ZMYM2: variants seen among roughly 807,000 people sequenced by gnomAD.
ZMYM2 encodes zinc finger MYM-type protein 2.
In ZMYM2, 56 loss-of-function variants were observed where a neutral mutation model predicts 162.8. The observed-to-expected ratio is 0.34, with a 90% CI of 0.28 to 0.43. The LOEUF is 0.43. ZMYM2 is among the 20% of genes least tolerant of loss of function. The probability of loss-of-function intolerance (pLI) is 1.00; values close to 1 mark genes in which losing one functional copy is unlikely to be tolerated. For missense variants in ZMYM2, 1,275 were observed against 1,621.8 expected, an observed-to-expected ratio of 0.79 and a Z score of 3.67; for synonymous variants, 510 against 541.6, an observed-to-expected ratio of 0.94 and a Z score of 0.81.
chr13:19,955,976 A>G (rs758277751), upstream of ZMYM2, among the ~76,000 whole-genome samples: 2 of 152,226 alleles, frequency 1.3e-5, no homozygotes, highest in Non-Finnish European at 2.9e-5. Context: ...ACACAGTTTT[A>G]GTTGTGGATT....
the ZMYM2 span, among the ~76,000 whole-genome samples, chr13:19,896,870 C>G: frequency 6.7e-6 from 1 of 149,882 alleles, no homozygotes; most frequent in Non-Finnish European, 1.5e-5. Flanking sequence ...ATCAGGAGTT[C>G]GAGACCAGCC....
chr13:20,085,772 T>G, intron 24 of ZMYM2, 50 bp from the exon 25 acceptor site: 2 of 1,538,522 alleles, frequency 1.3e-6, no homozygotes, highest in Non-Finnish European at 1.8e-6. Flanking sequence ...GAAAAAGTTG[T>G]GGAAATTTTG....
At chr13:20,074,030 A>T (rs1957288225) in intron 21 of ZMYM2, among the ~76,000 whole-genome samples, 1 of 152,032 alleles carries the variant, frequency 6.6e-6, no homozygotes, top group Non-Finnish European at 1.5e-5. Flanking sequence ...TTCCTTCTCT[A>T]CTGAGCCCTG....
At chr13:20,057,256 C>G (rs1358244795) in intron 14 of ZMYM2, among the ~76,000 whole-genome samples, 2 of 152,032 alleles carry the variant, frequency 1.3e-5, no homozygotes, top group Admixed American at 6.6e-5. Context: ...GTGGGCGCCA[C>G]CATGTCCGGC....
At chr13:19,912,292 GTTTTT>G in the ZMYM2 span, among the ~76,000 whole-genome samples, 37 of 75,710 alleles carry the variant, frequency 4.9e-4, no homozygotes, top group South Asian at 1.8e-3. Context: ...TGTTTTTTGG[GTTTTT>G]TTTTTTTTTT....
chr13:20,081,772 A>T (rs1957926911), intron 21 of ZMYM2, among the ~76,000 whole-genome samples: 1 of 151,988 alleles, frequency 6.6e-6, no homozygotes, highest in Admixed American at 6.5e-5. Flanking sequence ...ATTGTCATCC[A>T]GTTTTTACAT....
intron 6 of ZMYM2, among the ~76,000 whole-genome samples, chr13:20,014,417 T>A (rs2140098458): frequency 6.6e-6 from 1 of 152,210 alleles, no homozygotes; most frequent in African/African-American, 2.4e-5. Context: ...TCTGTTCACG[T>A]TTTCTATGTC....
Position 20,034,357 on chromosome 13 carries a change from A to G in ZMYM2, c.2072A>G (p.His691Arg). The G allele has an allele frequency of 1.2e-6, 2 of 1,609,646 alleles. No homozygotes were observed. Among genetic ancestry groups the G allele is most frequent in the Non-Finnish European group, 1.7e-6 (2 of 1,178,508 alleles). ...CEYCQEEKTLHETVNFSGVKR... is the reference protein window; with the variant it reads ...CEYCQEEKTLRETVNFSGVKR... ...TACTGTCAAGAGGAGAAGACTCTTC[A>G]TGAAACAGTAAATTTCTCTGGCGTT... The change falls in exon 11 of 25, where the codon CAT becomes CGT. Residue 691 changes from histidine (H) to arginine (R), a missense_variant. His to Arg is a conservative substitution (Grantham distance 29, BLOSUM62 0). This residue lies in a region of ZMYM2 where 177 missense variants were observed against 228.0 expected (regional missense o/e 0.78). Transcript: ENST00000610343.
intron 3 of ZMYM2, among the ~76,000 whole-genome samples, chr13:19,997,951 G>A (rs1158674454): frequency 6.6e-6 from 1 of 152,042 alleles, no homozygotes; most frequent in Non-Finnish European, 1.5e-5. Flanking sequence ...GAATATTCTT[G>A]TGTATACATC....
chr13:20,085,902 A>G lies in ZMYM2; in HGVS notation c.4022A>G (p.Tyr1341Cys). Residue 1341 changes from tyrosine (Y) to cysteine (C), a missense_variant, in exon 25 of 25, where the codon TAT (tyrosine) becomes TGT (cysteine). By Grantham distance (194) the Tyr-to-Cys change is radical. Around this residue, in one of 10 missense-constraint regions of ZMYM2, gnomAD observed 69 missense variants for 78.4 expected, o/e 0.88. Coordinates refer to ENST00000610343, the MANE Select transcript of ZMYM2 (RefSeq NM_197968.4). ...CSSSTDSPVW[Y>C]TSTSLDRNTL... is the part of the protein sequence containing the mutation. ...AGTTCTACAGATAGCCCTGTCTGGT[A>G]TACGTCTACTTCACTGGACCGAAAC... 2 of 1,613,858 alleles carry G rather than the reference A, an allele frequency of 1.2e-6. No homozygotes were observed. The highest frequency in any genetic ancestry group is 1.7e-6 in the Non-Finnish European group (2 of 1,179,784).
chr13:19,937,381 G>A, the ZMYM2 span, among the ~76,000 whole-genome samples: 1,108 of 150,458 alleles, frequency 7.4e-3, 36 homozygotes, highest in Admixed American at 0.045. Flanking sequence ...CTCGTGATCC[G>A]CCCGCCTCAG....
chr13:19,981,991 C>A (rs1455010855), intron 2 of ZMYM2, among the ~76,000 whole-genome samples: 1 of 152,156 alleles, frequency 6.6e-6, no homozygotes, highest in Non-Finnish European at 1.5e-5. Flanking sequence ...TTTATGAAAT[C>A]ATGTTTCCAG....
At chr13:19,872,509 C>T in the ZMYM2 span, among the ~76,000 whole-genome samples, 1 of 151,866 alleles carries the variant, frequency 6.6e-6, no homozygotes, top group African/African-American at 2.4e-5. Context: ...AAGATCGGGC[C>T]ACTGCACTCC....
chr13:19,876,672 A>C, the ZMYM2 span, among the ~76,000 whole-genome samples: 1 of 152,132 alleles, frequency 6.6e-6, no homozygotes, highest in African/African-American at 2.4e-5. Context: ...TTACCCTATT[A>C]ACTATTTTTA....
the ZMYM2 span, among the ~76,000 whole-genome samples, chr13:19,890,522 A>AAAAAAAAAAAAAG: frequency 6.6e-4 from 98 of 148,306 alleles, 3 homozygotes; most frequent in African/African-American, 2.4e-3. Flanking sequence ...AAAAAAAAAA[A>AAAAAAAAAAAAAG]GTTGGGAAAA....
intron 2 of ZMYM2, among the ~76,000 whole-genome samples, chr13:19,976,287 C>T (rs1387139849): frequency 1.3e-5 from 2 of 150,032 alleles, no homozygotes; most frequent in Admixed American, 1.3e-4. Flanking sequence ...AGGATCATGC[C>T]ACTGCACTCC....
chr13:19,935,574 GT>G, the ZMYM2 span, among the ~76,000 whole-genome samples: 2 of 152,006 alleles, frequency 1.3e-5, no homozygotes, highest in Non-Finnish European at 2.9e-5. Flanking sequence ...TTGTTTGTTT[GT>G]TTGTTTGTTT....
chr13:19,924,976 C>T, the ZMYM2 span, among the ~76,000 whole-genome samples: 2 of 151,704 alleles, frequency 1.3e-5, no homozygotes, highest in Non-Finnish European at 2.9e-5. Context: ...CCTCGGCCTC[C>T]CAGGTTCAAG....
At chr13:19,885,847 CAAA>C in the ZMYM2 span, among the ~76,000 whole-genome samples, 483 of 22,986 alleles carry the variant, frequency 0.021, 59 homozygotes, top group African/African-American at 0.033. Context: ...AACTCTGTCT[CAAA>C]AAAAAAAAAA....
Sources: allele counts gnomAD v4.1 joint callset (sites outside exome capture counted in the v4.1 genomes callset), GRCh38; gene constraint gnomAD v4.1.1; regional missense constraint gnomAD v4.1.1; transcripts MANE v1.5; gene names NCBI Gene and HGNC (gene_info 2026-07-23, HGNC 2026-07-21).